The following BAZ2B variants were observed in gnomAD, a reference collection of about 807,000 sequenced individuals.
BAZ2B encodes bromodomain adjacent to zinc finger domain 2B.
Under a neutral mutation model 246.0 loss-of-function variants are expected in BAZ2B, and 91 were observed. The ratio of observed to expected loss-of-function variants is 0.37; its 90% confidence interval spans 0.31 to 0.44. The LOEUF (loss-of-function observed/expected upper bound fraction) is 0.44. Ranked by LOEUF, BAZ2B falls within the 20% of genes least tolerant of loss-of-function variation. The probability of loss-of-function intolerance (pLI) is 1.00; values close to 1 mark genes in which losing one functional copy is unlikely to be tolerated. For synonymous variants in BAZ2B, 855 were observed against 860.0 expected, an observed-to-expected ratio of 0.99 and a Z score of 0.10; for missense variants, 2,332 against 2,533.7, an observed-to-expected ratio of 0.92 and a Z score of 1.71.
At chr2:159,372,269 T>C (rs1479054944) in intron 27 of BAZ2B, among the ~76,000 whole-genome samples, 1 of 152,208 alleles carries the variant, frequency 6.6e-6, no homozygotes, top group Admixed American at 6.5e-5. Context: ...GACAAAAGTG[T>C]TAATGTTAGT....
intron 1 of BAZ2B, among the ~76,000 whole-genome samples, chr2:159,606,921 T>TG (rs1693635081): frequency 2.2e-5 from 1 of 46,342 alleles, no homozygotes; most frequent in South Asian, 8.1e-4. Context: ...GTGGGATTTC[T>TG]ATTTTTTTTT....
intron 32 of BAZ2B, 81 bp from the exon 33 acceptor site, chr2:159,337,158 G>A: frequency 6.7e-7 from 1 of 1,485,708 alleles, no homozygotes; most frequent in Non-Finnish European, 9.2e-7. Flanking sequence ...CACACTGAAA[G>A]CCAAGCAATG....
chr2:159,337,802 G>A, intron 31 of BAZ2B, 30 bp from the exon 32 acceptor site: 3 of 1,587,206 alleles, frequency 1.9e-6, no homozygotes, highest in East Asian at 2.2e-5. Flanking sequence ...TGTTATTATG[G>A]TTTCCTCTTA....
intron 33 of BAZ2B, among the ~76,000 whole-genome samples, chr2:159,334,150 A>G (rs917847962): frequency 2.0e-5 from 3 of 152,186 alleles, no homozygotes; most frequent in African/African-American, 4.8e-5. Flanking sequence ...CTACTAGGCA[A>G]CTATAAATGC....
chr2:159,710,866 G>A, the BAZ2B span: 1 of 152,130 alleles, frequency 6.6e-6, no homozygotes, highest in Non-Finnish European at 1.5e-5. Flanking sequence ...ATTTCTCTTA[G>A]CATAATCTTG....
At chr2:159,584,524 T>C (rs945154127) in intron 1 of BAZ2B, among the ~76,000 whole-genome samples, 11 of 152,324 alleles carry the variant, frequency 7.2e-5, no homozygotes, top group South Asian at 4.1e-4. Context: ...CAAGAAATGA[T>C]TGTAACCTGG....
chr2:159,318,069 T>C (rs1460247033), downstream of BAZ2B, among the ~76,000 whole-genome samples: 1 of 152,210 alleles, frequency 6.6e-6, no homozygotes, highest in Non-Finnish European at 1.5e-5. Flanking sequence ...AAGTACTTTC[T>C]TATTTATGAG....
chr2:159,345,261 C>G (rs1352069442), intron 31 of BAZ2B, among the ~76,000 whole-genome samples: 1 of 151,400 alleles, frequency 6.6e-6, no homozygotes, highest in African/African-American at 2.4e-5. Context: ...GAAATAAGTT[C>G]TCGTGCTCTA....
At chr2:159,397,473 T>C (rs1476413813) in intron 18 of BAZ2B, 84 bp from the exon 19 acceptor site, 4 of 870,690 alleles carry the variant, frequency 4.6e-6, no homozygotes, top group Non-Finnish European at 6.9e-6. Flanking sequence ...TTTTCTGAGA[T>C]TCTATAGTTT....
intron 8 of BAZ2B, among the ~76,000 whole-genome samples, chr2:159,436,060 ATACTT>A (rs2072226221): frequency 1.3e-5 from 2 of 152,318 alleles, no homozygotes; most frequent in South Asian, 4.1e-4. Flanking sequence ...CTTACATAAA[ATACTT>A]TAATATACAA....
In BAZ2B at chr2:159,462,559, T is replaced by G; in HGVS notation, c.146-8758A>C. On this transcript the variant is annotated intron_variant, in intron 3 of 36. Transcript: ENST00000392783. ...TCTGATATTCATTTTCTGCATTCTC[T>G]ATGATTTTAATAAACTCCTTGGCAG... 6.8e-6 allele frequency: 6 copies of G among 887,632 alleles called. No individual in the cohort carries two copies. In the South Asian group the frequency reaches 7.8e-5, roughly 12 times the overall value. 55.0% of individuals were successfully genotyped at this position (887,632 alleles called of 1,614,324 possible). A position where few individuals can be genotyped will look rare whatever the true frequency, so the allele number is the denominator to read the frequency against.
rs964903645 is a variant in BAZ2B, at chr2:159,383,116, T to G, written c.3762-314A>C. Among the ~76,000 whole-genome samples, 5 of 152,256 alleles carry G rather than the reference T, an allele frequency of 3.3e-5. No individual in the cohort carries two copies. The East Asian group carries it at 9.7e-4, about 29-fold the overall frequency. The stretch of plus-strand genomic sequence containing the variant: ...TCTGATCCCATACTAACTGACTGAA[T>G]AAATTTCAATTCAAATTACTACAAA... On this transcript the variant is annotated intron_variant, in intron 24 of 36. Transcript: ENST00000392783.
intron 1 of BAZ2B, among the ~76,000 whole-genome samples, chr2:159,608,070 T>C (rs1314504325): frequency 6.6e-6 from 1 of 152,210 alleles, no homozygotes; most frequent in African/African-American, 2.4e-5. Context: ...GGGTTACTAA[T>C]ACAGTATAGA....
In BAZ2B at chr2:159,543,818, G is replaced by A. The variant is rs569525708; in HGVS notation, c.-3+12005C>T. ...CAAAGTGCTGGGATTACAGGCATGC[G>A]CCACCGCGCCTGGCCAACAATTCTT... On this transcript the variant is annotated intron_variant, in intron 2 of 36. Transcript: ENST00000392783. Among the ~76,000 whole-genome samples, 15 of 152,316 alleles carry A rather than the reference G, an allele frequency of 9.8e-5. 1 individual carries two copies. The highest frequency in any genetic ancestry group is 9.8e-4 in the Admixed American group (15 of 15,306).
intron 27 of BAZ2B, among the ~76,000 whole-genome samples, chr2:159,364,952 T>C (rs778432615): frequency 2.6e-5 from 4 of 152,310 alleles, no homozygotes; most frequent in Middle Eastern, 3.4e-3. Context: ...AAGTGATCTA[T>C]GACTGGTCTC....
At chr2:159,386,039 AAGTTCT>A (rs1342200155) in intron 22 of BAZ2B, among the ~76,000 whole-genome samples, 1 of 152,138 alleles carries the variant, frequency 6.6e-6, no homozygotes, top group East Asian at 1.9e-4. Flanking sequence ...AGGCACATAC[AAGTTCT>A]AGTTGCCTTA....
intron 1 of BAZ2B, among the ~76,000 whole-genome samples, chr2:159,559,124 C>T (rs1200541773): frequency 6.6e-6 from 1 of 152,030 alleles, no homozygotes. Context: ...CCTGTAGTCC[C>T]GCCAAGCTAC....
intron 2 of BAZ2B, among the ~76,000 whole-genome samples, chr2:159,525,384 A>T (rs1406149487): frequency 6.6e-6 from 1 of 152,224 alleles, no homozygotes. Context: ...ATACAGGTTG[A>T]ATATCCAGAA....
At chr2:159,467,872 C>T (rs559024894) in intron 3 of BAZ2B, among the ~76,000 whole-genome samples, 1 of 152,252 alleles carries the variant, frequency 6.6e-6, no homozygotes, top group African/African-American at 2.4e-5. Flanking sequence ...TTCTGGTCTG[C>T]TGCCTAAATC....
Sources: gnomAD v4.1 joint callset for allele counts (sites outside exome capture counted in the v4.1 genomes callset) on GRCh38, gnomAD v4.1.1 for gene constraint, MANE v1.5 for transcripts, NCBI Gene and HGNC (gene_info 2026-07-23, HGNC 2026-07-21) for gene names.